TRPC4: variants seen among roughly 807,000 people sequenced by gnomAD.
TRPC4 encodes the protein short transient receptor potential channel 4.
A neutral mutation model predicts 99.4 loss-of-function variants in TRPC4; 49 were observed. The ratio of observed to expected loss-of-function variants is 0.49; its 90% CI spans 0.39 to 0.63. TRPC4 has a LOEUF of 0.63. TRPC4 is among the 20% of genes least tolerant of loss of function. The pLI is 0.00. For missense variants in TRPC4, 898 were observed against 1,152.9 expected (o/e 0.78, Z 3.20); for synonymous variants, 454 against 425.9 (o/e 1.07, Z -0.81).
intron 4 of TRPC4, among the ~76,000 whole-genome samples, chr13:37,679,604 ACT>A (rs1169144003): frequency 6.6e-6 from 1 of 152,114 alleles, no homozygotes; most frequent in African/African-American, 2.4e-5. Flanking sequence ...CAAATTTATA[ACT>A]CACATGAGAG....
chr13:37,864,266 T>A (rs1301379511), intron 1 of TRPC4, among the ~76,000 whole-genome samples: 1 of 151,546 alleles, frequency 6.6e-6, no homozygotes. Context: ...TAACTACTCC[T>A]CTCATAGTGT....
chr13:37,779,313 A>C (rs1956780040), intron 2 of TRPC4, among the ~76,000 whole-genome samples: 1 of 152,006 alleles, frequency 6.6e-6, no homozygotes, highest in African/African-American at 2.4e-5. Flanking sequence ...AGCCAAGTTC[A>C]GTAAATTCAT....
At chr13:37,752,329 A>G (rs1030924536) in intron 2 of TRPC4, among the ~76,000 whole-genome samples, 19 of 151,662 alleles carry the variant, frequency 1.3e-4, no homozygotes, top group African/African-American at 4.1e-4. Flanking sequence ...TTCTTTTTCT[A>G]CTTGGCAAAG....
intron 4 of TRPC4, among the ~76,000 whole-genome samples, chr13:37,678,585 G>A (rs148095611): frequency 1.4e-3 from 208 of 152,080 alleles, no homozygotes; most frequent in African/African-American, 4.7e-3. Context: ...TAGTCCTATA[G>A]TTATTAAAGG....
Position 37,822,820 on chromosome 13 carries a change from G to C in TRPC4, c.-27-39460C>G, listed in dbSNP as rs1347999641. On this transcript the variant is annotated intron_variant, in intron 1 of 10. Coordinates refer to ENST00000379705, the MANE Select transcript of TRPC4 (RefSeq NM_016179.4). ...ATGGCTGGGTCAAATGGTATTTCTA[G>C]TTCTAGATCCCTGAGGAATCGCCAC... Among the ~76,000 whole-genome samples, 69 of 151,952 alleles carry C rather than the reference G, an allele frequency of 4.5e-4. 1 individual carries two copies. The highest frequency in any genetic ancestry group is 4.0e-3 in the Admixed American group (61 of 15,254).
At chr13:37,765,080 G>A (rs1319827529) in intron 2 of TRPC4, among the ~76,000 whole-genome samples, 1 of 150,912 alleles carries the variant, frequency 6.6e-6, no homozygotes, top group African/African-American at 2.4e-5. Flanking sequence ...TTTTTATTAT[G>A]TCTTAAATAT....
intron 2 of TRPC4, among the ~76,000 whole-genome samples, chr13:37,749,974 T>G (rs939963872): frequency 3.3e-5 from 5 of 152,110 alleles, no homozygotes; most frequent in African/African-American, 1.2e-4. Context: ...CTCACAAGCC[T>G]CCCACTTGTT....
At chr13:37,753,575 A>AGAGAGAGAGAGAG in intron 2 of TRPC4, among the ~76,000 whole-genome samples, 1 of 137,374 alleles carries the variant, frequency 7.3e-6, no homozygotes, top group South Asian at 2.4e-4. Flanking sequence ...GAGAGAGAGA[A>AGAGAGAGAGAGAG]AGAGAGAGAG....
intron 1 of TRPC4, among the ~76,000 whole-genome samples, chr13:37,816,579 C>A (rs369208550): frequency 6.6e-5 from 10 of 151,574 alleles, no homozygotes; most frequent in Admixed American, 3.3e-4. Context: ...ACAGCAACAA[C>A]AATTTCAGGC....
At chr13:37,712,890 A>G (rs1954531357) in intron 3 of TRPC4, among the ~76,000 whole-genome samples, 1 of 152,104 alleles carries the variant, frequency 6.6e-6, no homozygotes, top group Non-Finnish European at 1.5e-5. Flanking sequence ...TCAAAAGAGA[A>G]AGAAATGCAT....
At chr13:37,656,721 C>T (rs185919178) in intron 6 of TRPC4, among the ~76,000 whole-genome samples, 15 of 152,234 alleles carry the variant, frequency 9.9e-5, no homozygotes, top group South Asian at 8.3e-4. Context: ...ACTGGAATGA[C>T]GGGATGCCAA....
chr13:37,782,910 A>G lies in TRPC4; in HGVS notation c.378+46T>C, dbSNP rs768127634. 19 of 1,423,986 alleles carry G rather than the reference A, an allele frequency of 1.3e-5. No homozygotes were observed. In the African/African-American group the frequency reaches 2.3e-4, roughly 17 times the overall value. 88.2% of individuals were successfully genotyped at this position (1,423,986 alleles called of 1,614,324 possible). On this transcript the variant is annotated intron_variant, in intron 2 of 10. Coordinates refer to ENST00000379705, the MANE Select transcript of TRPC4 (RefSeq NM_016179.4). ...AAAGAAAGAAAAGAAAAAACAAAAAACCTTCTGCAGGTAAAATAAATTAAA... is the reference window on the plus strand; with the variant it reads ...AAAGAAAGAAAAGAAAAAACAAAAAGCCTTCTGCAGGTAAAATAAATTAAA...
chr13:37,747,048 C>T (rs1955806681), intron 2 of TRPC4, among the ~76,000 whole-genome samples: 1 of 152,088 alleles, frequency 6.6e-6, no homozygotes, highest in African/African-American at 2.4e-5. Context: ...GGTATATTTT[C>T]CAGATGACAA....
At position 37,812,176 on chromosome 13, in the gene TRPC4, C is replaced by CAAAAAAAAAAAAAA. The variant is rs61607544; in HGVS notation, c.-27-28830_-27-28817dup. ...CCTAGGCAACAGACTGAGACTCTATCAAAAAAAAAAAAAAAAAAACCAGGA... is the reference window on the plus strand; with the variant it reads ...CCTAGGCAACAGACTGAGACTCTATCAAAAAAAAAAAAAAAAAAAAAAAAAAAAAAAAACCAGGA... On this transcript the variant is annotated intron_variant, in intron 1 of 10. Transcript: ENST00000379705. Among the ~76,000 whole-genome samples the CAAAAAAAAAAAAAA allele has an allele frequency of 7.4e-4, 41 of 55,132 alleles. 2 individuals are homozygous for CAAAAAAAAAAAAAA. The highest frequency in any genetic ancestry group is 2.8e-3 in the South Asian group (3 of 1,088). The allele number at this position is 55,132 out of a possible 152,430, so 36.2% of individuals were successfully genotyped here.
intron 1 of TRPC4, among the ~76,000 whole-genome samples, chr13:37,795,309 T>G (rs766897723): frequency 6.6e-6 from 1 of 152,178 alleles, no homozygotes; most frequent in Non-Finnish European, 1.5e-5. Context: ...GTAAATTTTG[T>G]GTATATGTAA....
intron 3 of TRPC4, among the ~76,000 whole-genome samples, chr13:37,734,567 T>C (rs1421234025): frequency 6.6e-6 from 1 of 152,142 alleles, no homozygotes; most frequent in African/African-American, 2.4e-5. Context: ...GACCACGTGT[T>C]TGAGATGATG....
intron 4 of TRPC4, among the ~76,000 whole-genome samples, chr13:37,681,900 A>G (rs1953252756): frequency 6.6e-6 from 1 of 152,208 alleles, no homozygotes; most frequent in Non-Finnish European, 1.5e-5. Flanking sequence ...GAGTCAGAGA[A>G]CTTCCTTTTA....
At chr13:37,806,378 T>C (rs1566184567) in intron 1 of TRPC4, among the ~76,000 whole-genome samples, 1 of 152,032 alleles carries the variant, frequency 6.6e-6, no homozygotes, top group East Asian at 1.9e-4. Context: ...AATAAAAAGG[T>C]AGCCTCTTGA....
intron 2 of TRPC4, among the ~76,000 whole-genome samples, chr13:37,748,040 G>T (rs12867999): frequency 1.3e-5 from 2 of 152,102 alleles, no homozygotes; most frequent in African/African-American, 4.8e-5. Flanking sequence ...GAGAATTTAC[G>T]TCCCAGGTGA....
Sources: gnomAD v4.1 joint callset for allele counts (sites outside exome capture counted in the v4.1 genomes callset) on GRCh38, gnomAD v4.1.1 for gene constraint, MANE v1.5 for transcripts, NCBI Gene and HGNC (gene_info 2026-07-23, HGNC 2026-07-21) for gene names.